Variants in FRAS1 observed in about 807,000 individuals in gnomAD.
FRAS1 encodes the protein Fraser extracellular matrix complex subunit 1.
A neutral mutation model predicts 435.2 loss-of-function variants in FRAS1; 290 were observed. That is an observed-to-expected ratio of 0.67 (90% CI 0.61 to 0.73). The LOEUF is 0.73. Ranked by LOEUF, FRAS1 falls within the 30% of genes least tolerant of loss-of-function variation. FRAS1 has a pLI of 0.00. For synonymous variants in FRAS1, 1,800 were observed against 1,851.0 expected (o/e 0.97, Z 0.71); for missense variants, 4,860 against 5,001.5 (o/e 0.97, Z 0.85).
intron 58 of FRAS1, 32 bp downstream of exon 58, chr4:78,482,567 C>A: frequency 6.3e-7 from 1 of 1,588,338 alleles, no homozygotes; most frequent in Non-Finnish European, 8.5e-7. Context: ...CTGGTAGGTC[C>A]AAATATATTT....
At chr4:78,281,087 A>G (rs966312186) in intron 10 of FRAS1, among the ~76,000 whole-genome samples, 2 of 152,258 alleles carry the variant, frequency 1.3e-5, no homozygotes, top group African/African-American at 4.8e-5. Flanking sequence ...CTCTGGCACC[A>G]TGCAAAATTC....
At chr4:78,270,477 G>A (rs1055822062) in intron 9 of FRAS1, among the ~76,000 whole-genome samples, 1 of 152,072 alleles carries the variant, frequency 6.6e-6, no homozygotes, top group Admixed American at 6.6e-5. Flanking sequence ...CCTCTTCTGT[G>A]TATTTTGCTA....
intron 51 of FRAS1, among the ~76,000 whole-genome samples, chr4:78,470,595 T>C (rs1719670472): frequency 1.3e-5 from 2 of 152,192 alleles, no homozygotes; most frequent in Non-Finnish European, 2.9e-5. Context: ...TAAGAAATAA[T>C]ACAAATTTTA....
chr4:78,470,655 T>G (rs1417690867), intron 51 of FRAS1, among the ~76,000 whole-genome samples: 1 of 152,218 alleles, frequency 6.6e-6, no homozygotes, highest in African/African-American at 2.4e-5. Flanking sequence ...ATGTGAGGTA[T>G]TATAAGTAAT....
chr4:78,112,283 A>C (rs745866548), intron 2 of FRAS1, among the ~76,000 whole-genome samples: 2 of 152,214 alleles, frequency 1.3e-5, no homozygotes, highest in Non-Finnish European at 2.9e-5. Context: ...ATAAATCAAC[A>C]AATACATATT....
chr4:78,418,821 G>A lies in FRAS1; in HGVS notation c.4426-128G>A, dbSNP rs963596370. 42 of 575,324 alleles carry A rather than the reference G, an allele frequency of 7.3e-5. No homozygotes were observed. The Admixed American group carries it at 1.3e-3, about 18-fold the overall frequency. 35.6% of individuals were successfully genotyped at this position (575,324 alleles called of 1,614,324 possible). ...GACCAGATCCTTCTTTTGAACTCTC[G>A]AAAATTTGACTAAGTGTGACTAATT... is the stretch of plus-strand genomic sequence containing the variant. On this transcript the variant is annotated intron_variant, in intron 32 of 73. Transcript: ENST00000512123.
intron 2 of FRAS1, among the ~76,000 whole-genome samples, chr4:78,079,292 G>C (rs1265156484): frequency 6.6e-6 from 1 of 152,126 alleles, no homozygotes; most frequent in Non-Finnish European, 1.5e-5. Context: ...AATCAGTGGA[G>C]AGAAAGGACA....
At chr4:78,492,946 TAAAC>T (rs1448908496) in intron 59 of FRAS1, among the ~76,000 whole-genome samples, 1 of 152,084 alleles carries the variant, frequency 6.6e-6, no homozygotes, top group Non-Finnish European at 1.5e-5. Flanking sequence ...ATAAGAAACT[TAAAC>T]AAATTTACAA....
At chr4:78,179,723 T>C (rs1247283754) in intron 2 of FRAS1, among the ~76,000 whole-genome samples, 2 of 152,190 alleles carry the variant, frequency 1.3e-5, no homozygotes, top group Non-Finnish European at 2.9e-5. Context: ...ATCTGTTATA[T>C]GTCTCTAGGC....
chr4:78,309,805 T>G (rs1035069347), intron 15 of FRAS1, among the ~76,000 whole-genome samples: 3 of 152,190 alleles, frequency 2.0e-5, no homozygotes, highest in Non-Finnish European at 2.9e-5. Context: ...AATGAAAGGT[T>G]TGAATTGAGT....
At chr4:78,164,448 GAA>G (rs1721259832) in intron 2 of FRAS1, among the ~76,000 whole-genome samples, 1 of 151,954 alleles carries the variant, frequency 6.6e-6, no homozygotes, top group Middle Eastern at 3.4e-3. Flanking sequence ...GAAATGTTAA[GAA>G]AATATAAGAA....
At chr4:78,077,685 C>T (rs972908104) in intron 2 of FRAS1, among the ~76,000 whole-genome samples, 29 of 152,014 alleles carry the variant, frequency 1.9e-4, no homozygotes, top group Non-Finnish European at 2.8e-4. Flanking sequence ...TAAATGAGGA[C>T]GTGTGATATT....
chr4:78,295,007 CT>C (rs553065384), intron 14 of FRAS1, among the ~76,000 whole-genome samples: 1 of 151,310 alleles, frequency 6.6e-6, no homozygotes, highest in South Asian at 2.1e-4. Context: ...TACACATACA[CT>C]TTTTTTTTCA....
At chr4:78,376,519 A>T (rs1419794074) in intron 26 of FRAS1, among the ~76,000 whole-genome samples, 1 of 152,188 alleles carries the variant, frequency 6.6e-6, no homozygotes, top group Non-Finnish European at 1.5e-5. Context: ...ATTTACATAT[A>T]ATTTATTTAT....
intron 3 of FRAS1, among the ~76,000 whole-genome samples, chr4:78,244,401 C>T (rs974407807): frequency 2.0e-5 from 3 of 152,046 alleles, no homozygotes; most frequent in African/African-American, 7.2e-5. Flanking sequence ...TCACTAATTG[C>T]CTGTTCTGCC....
chr4:78,117,347 T>C lies in FRAS1; in HGVS notation c.108+51331T>C, dbSNP rs143369903. 1.7e-3 allele frequency among the ~76,000 whole-genome samples: 266 copies of C among 152,290 alleles called. 6 individuals are homozygous for C. Among genetic ancestry groups the C allele is most frequent in the East Asian group, 4.8e-3 (25 of 5,178 alleles). On this transcript the variant is annotated intron_variant, in intron 2 of 73. Transcript: ENST00000512123. ...TTCTCGAGGAATATCTTTGTGGCGT[T>C]CTCTATATTTCCTACATTTGAATGT...
intron 16 of FRAS1, 68 bp downstream of exon 16, chr4:78,315,802 A>G: frequency 6.4e-7 from 1 of 1,557,564 alleles, no homozygotes; most frequent in South Asian, 1.1e-5. Context: ...ACTTGGTGTT[A>G]TATGTTGCTA....
chr4:78,181,914 C>T, intron 2 of FRAS1: 11 of 1,610,556 alleles, frequency 6.8e-6, no homozygotes, highest in Non-Finnish European at 9.3e-6. Context: ...CCCCCAACGC[C>T]ACCCCTGCCG....
rs1720621096 is a variant in FRAS1, at chr4:78,499,765, C to T, written c.9160C>T (p.Pro3054Ser). The T allele has an allele frequency of 1.2e-6, 2 of 1,613,914 alleles. No homozygotes were observed. Among genetic ancestry groups the T allele is most frequent in the Non-Finnish European group, 1.7e-6 (2 of 1,179,830 alleles). Residue 3054 changes from proline to serine, a missense_variant, in exon 61 of 74, where the codon CCC becomes TCC. Transcript: ENST00000512123. Reference protein sequence around the residue: ...FEEAAYQVREPAGPDAIAILN... With the variant: ...FEEAAYQVRESAGPDAIAILN... ...AGAAGCTGCATACCAAGTCCGGGAA[C>T]CCGCAGGCCCAGATGCCATTGCGAT...
Sources: gnomAD v4.1 joint callset for allele counts (sites outside exome capture counted in the v4.1 genomes callset) on GRCh38, gnomAD v4.1.1 for gene constraint, MANE v1.5 for transcripts, NCBI Gene and HGNC (gene_info 2026-07-23, HGNC 2026-07-21) for gene names.